The following CNTNAP2 variants were observed in gnomAD, a reference collection of about 807,000 sequenced individuals.
The protein encoded by CNTNAP2 is contactin associated protein 2.
A neutral mutation model predicts 155.2 loss-of-function variants in CNTNAP2; 98 were observed. That is an observed-to-expected ratio of 0.63 (90% CI 0.54 to 0.75). The LOEUF is 0.75. Ranked by LOEUF, CNTNAP2 falls within the 30% of genes least tolerant of loss-of-function variation. The pLI is 0.00. For missense variants in CNTNAP2, 1,727 were observed against 1,688.1 expected (o/e 1.02, Z -0.40); for synonymous variants, 651 against 631.2 (o/e 1.03, Z -0.47).
chr7:146,905,939 A>G (rs965720968), intron 3 of CNTNAP2, among the ~76,000 whole-genome samples: 7 of 152,268 alleles, frequency 4.6e-5, no homozygotes, highest in African/African-American at 9.6e-5. Flanking sequence ...CAGTGGGTGC[A>G]CGCACCACAC....
At chr7:147,425,226 A>G (rs78760274) in intron 10 of CNTNAP2, among the ~76,000 whole-genome samples, 1 of 142,164 alleles carries the variant, frequency 7.0e-6, no homozygotes, top group African/African-American at 2.6e-5. Context: ...AAAAAAAAAA[A>G]TTGTTATTCT....
chr7:146,148,435 T>C (rs1797986804), intron 1 of CNTNAP2, among the ~76,000 whole-genome samples: 2 of 152,160 alleles, frequency 1.3e-5, no homozygotes, highest in Admixed American at 1.3e-4. Flanking sequence ...ATTCAAATGT[T>C]TAATTTGCTG....
intron 3 of CNTNAP2, among the ~76,000 whole-genome samples, chr7:146,892,240 G>C (rs1026931319): frequency 6.6e-6 from 1 of 152,136 alleles, no homozygotes; most frequent in African/African-American, 2.4e-5. Context: ...CCTCATGTGG[G>C]CATTTCCATA....
intron 1 of CNTNAP2, among the ~76,000 whole-genome samples, chr7:146,196,901 A>G (rs116826635): frequency 0.021 from 3,147 of 152,158 alleles, 93 homozygotes; most frequent in African/African-American, 0.069. Flanking sequence ...TTTTATTTCC[A>G]CTAATGACAG....
intron 18 of CNTNAP2, among the ~76,000 whole-genome samples, chr7:148,184,007 C>T (rs1031799087): frequency 2.0e-5 from 3 of 152,108 alleles, no homozygotes; most frequent in African/African-American, 7.2e-5. Context: ...TCTCAAAATA[C>T]ACGTCTCCTT....
chr7:146,624,489 T>C (rs965118705), intron 1 of CNTNAP2, among the ~76,000 whole-genome samples: 2 of 152,032 alleles, frequency 1.3e-5, no homozygotes, highest in Non-Finnish European at 2.9e-5. Flanking sequence ...TATCAACATT[T>C]CAACAAAGCA....
intron 2 of CNTNAP2, among the ~76,000 whole-genome samples, chr7:146,784,669 T>C (rs1802544015): frequency 1.3e-5 from 2 of 152,292 alleles, no homozygotes; most frequent in South Asian, 4.1e-4. Flanking sequence ...ACTTCTATAA[T>C]GAGAAATTTT....
chr7:147,605,241 A>T (rs1049727228), intron 12 of CNTNAP2, among the ~76,000 whole-genome samples: 2 of 151,866 alleles, frequency 1.3e-5, no homozygotes, highest in African/African-American at 4.8e-5. Flanking sequence ...AAAACTTTCT[A>T]CCCTCTGAAT....
intron 8 of CNTNAP2, among the ~76,000 whole-genome samples, chr7:147,220,359 C>T (rs903463084): frequency 1.3e-5 from 2 of 152,162 alleles, no homozygotes; most frequent in Admixed American, 1.3e-4. Context: ...TTAATCTACA[C>T]GTGTCTTTAT....
intron 2 of CNTNAP2, among the ~76,000 whole-genome samples, chr7:146,787,650 C>G (rs530787558): frequency 6.6e-6 from 1 of 152,136 alleles, no homozygotes. Context: ...AACCTTCCCC[C>G]GCGCATGAGG....
chr7:148,014,605 G>A (rs928811661), intron 15 of CNTNAP2, among the ~76,000 whole-genome samples: 5 of 152,186 alleles, frequency 3.3e-5, no homozygotes, highest in Non-Finnish European at 7.3e-5. Flanking sequence ...AAACAAAGGC[G>A]TGGTCACTTC....
At chr7:147,143,760 T>C (rs1479748616) in intron 8 of CNTNAP2, among the ~76,000 whole-genome samples, 3 of 152,192 alleles carry the variant, frequency 2.0e-5, no homozygotes, top group Non-Finnish European at 2.9e-5. Flanking sequence ...TTTGATACTT[T>C]TATAATAAGA....
chr7:147,755,646 T>C (rs1003971005), intron 13 of CNTNAP2, among the ~76,000 whole-genome samples: 1 of 152,144 alleles, frequency 6.6e-6, no homozygotes. Flanking sequence ...AGAGAGACCC[T>C]GTCTCAAAAT....
chr7:146,241,379 A>G (rs921260095), intron 1 of CNTNAP2, among the ~76,000 whole-genome samples: 3 of 152,182 alleles, frequency 2.0e-5, no homozygotes, highest in South Asian at 2.1e-4. Flanking sequence ...ACTAGTCTAT[A>G]TAGGCCATCA....
intron 9 of CNTNAP2, among the ~76,000 whole-genome samples, chr7:147,346,139 T>C (rs1563168708): frequency 4.0e-5 from 2 of 49,640 alleles, no homozygotes; most frequent in African/African-American, 3.6e-4. Flanking sequence ...TTTTATTTTA[T>C]TTTATTTTAT....
At chr7:147,080,447 ATAAT>A (rs1412431457) in intron 4 of CNTNAP2, among the ~76,000 whole-genome samples, 2 of 152,022 alleles carry the variant, frequency 1.3e-5, no homozygotes, top group Non-Finnish European at 2.9e-5. Flanking sequence ...AAGAGACTTA[ATAAT>A]TAATAATTAA....
chr7:147,836,848 G>A lies in CNTNAP2; in HGVS notation c.2099-66717G>A, dbSNP rs370903520. Among the ~76,000 whole-genome samples, 40 of 152,296 alleles carry A rather than the reference G, an allele frequency of 2.6e-4. No homozygotes were observed. The East Asian group carries it at 4.8e-3, about 18-fold the overall frequency. On this transcript the variant is annotated intron_variant, in intron 13 of 23. Transcript: ENST00000361727. ...TGTTCTGTTTCCAACATATAAAATT[G>A]AAATTGTAGAAAAATCTGTACATAG...
chr7:146,145,852 A>T (rs1036167289), intron 1 of CNTNAP2, among the ~76,000 whole-genome samples: 3 of 152,154 alleles, frequency 2.0e-5, no homozygotes, highest in Admixed American at 6.6e-5. Context: ...GGGACAAAGG[A>T]AGCAGACTTT....
intron 1 of CNTNAP2, among the ~76,000 whole-genome samples, chr7:146,134,143 T>C (rs1273827910): frequency 6.6e-6 from 1 of 151,832 alleles, no homozygotes; most frequent in Non-Finnish European, 1.5e-5. Context: ...CCTTGTAAGT[T>C]GGATTCCTAG....
Sources: allele counts gnomAD v4.1 joint callset (sites outside exome capture counted in the v4.1 genomes callset), GRCh38; gene constraint gnomAD v4.1.1; transcripts MANE v1.5; gene names NCBI Gene and HGNC (gene_info 2026-07-23, HGNC 2026-07-21).